The following EDIL3 variants were observed in gnomAD, a reference collection of about 807,000 sequenced individuals.
EDIL3 encodes EGF like and discoidin domains 3.
Under a neutral mutation model 67.4 loss-of-function variants are expected in EDIL3, and 37 were observed. That is an observed-to-expected ratio of 0.55 (90% CI 0.42 to 0.72). EDIL3 has a LOEUF of 0.72. Ranked by LOEUF, EDIL3 falls within the 30% of genes least tolerant of loss-of-function variation. The probability of loss-of-function intolerance (pLI) is 0.00; values close to 1 mark genes in which losing one functional copy is unlikely to be tolerated. For synonymous variants in EDIL3, 195 were observed against 196.3 expected (o/e 0.99, Z 0.05); for missense variants, 527 against 586.3 (o/e 0.90, Z 1.04).
intron 9 of EDIL3, among the ~76,000 whole-genome samples, chr5:84,059,177 G>T (rs1343592524): frequency 6.6e-6 from 1 of 152,110 alleles, no homozygotes; most frequent in East Asian, 1.9e-4. Context: ...GAGGCAGGAG[G>T]ATTGGTGGAG....
At chr5:84,031,364 C>T (rs1161799748) in intron 9 of EDIL3, among the ~76,000 whole-genome samples, 1 of 152,042 alleles carries the variant, frequency 6.6e-6, no homozygotes, top group African/African-American at 2.4e-5. Flanking sequence ...AGAAATTTTG[C>T]TAAATTCAAA....
chr5:84,025,006 T>C (rs1745786695), intron 9 of EDIL3, among the ~76,000 whole-genome samples: 1 of 152,066 alleles, frequency 6.6e-6, no homozygotes, highest in Non-Finnish European at 1.5e-5. Flanking sequence ...GAACTCCAAC[T>C]TTTAGCAAGG....
chr5:84,372,643 T>TA (rs949359061), intron 1 of EDIL3, among the ~76,000 whole-genome samples: 2 of 152,154 alleles, frequency 1.3e-5, no homozygotes, highest in Non-Finnish European at 2.9e-5. Flanking sequence ...CTTTTCTCTG[T>TA]AAGTGTGCTA....
chr5:84,010,074 G>A (rs145807939), intron 9 of EDIL3, among the ~76,000 whole-genome samples: 13 of 152,294 alleles, frequency 8.5e-5, no homozygotes, highest in Admixed American at 3.3e-4. Flanking sequence ...GCACAGTGTG[G>A]CAGATGCCAA....
chr5:84,012,859 T>G (rs1580278994), intron 9 of EDIL3, among the ~76,000 whole-genome samples: 1 of 152,092 alleles, frequency 6.6e-6, no homozygotes, highest in East Asian at 1.9e-4. Flanking sequence ...GAAGCCAAAC[T>G]TATTACTCTA....
chr5:84,296,271 G>A (rs1746049521), intron 1 of EDIL3, among the ~76,000 whole-genome samples: 1 of 152,150 alleles, frequency 6.6e-6, no homozygotes, highest in African/African-American at 2.4e-5. Context: ...AGGCAGAGAA[G>A]TTCAACTTGC....
intron 9 of EDIL3, among the ~76,000 whole-genome samples, chr5:83,982,997 G>C (rs544247497): frequency 3.0e-4 from 45 of 152,266 alleles, no homozygotes; most frequent in South Asian, 2.7e-3. Context: ...CAGCAGCCCG[G>C]AGGAAAGAGA....
intron 3 of EDIL3, among the ~76,000 whole-genome samples, chr5:84,219,053 C>G (rs1744288043): frequency 6.6e-6 from 1 of 152,172 alleles, no homozygotes; most frequent in African/African-American, 2.4e-5. Context: ...TGAGTGAGAT[C>G]CAGTGCTGTG....
intron 4 of EDIL3, among the ~76,000 whole-genome samples, chr5:84,139,482 A>G (rs1342270403): frequency 6.6e-6 from 1 of 152,046 alleles, no homozygotes; most frequent in African/African-American, 2.4e-5. Flanking sequence ...TAACACACAA[A>G]CCATTTTCAT....
At chr5:84,376,557 T>G (rs1465133984) in intron 1 of EDIL3, among the ~76,000 whole-genome samples, 2 of 152,236 alleles carry the variant, frequency 1.3e-5, no homozygotes, top group African/African-American at 2.4e-5. Flanking sequence ...GCAGGAGTGT[T>G]GAGAAATATT....
intron 9 of EDIL3, among the ~76,000 whole-genome samples, chr5:84,052,962 T>C (rs1172682975): frequency 6.6e-6 from 1 of 152,192 alleles, no homozygotes; most frequent in African/African-American, 2.4e-5. Flanking sequence ...GTGGACCTAA[T>C]AGATATCTAC....
intron 6 of EDIL3, among the ~76,000 whole-genome samples, chr5:84,096,613 T>C (rs376109594): frequency 2.6e-5 from 4 of 152,244 alleles, no homozygotes; most frequent in African/African-American, 9.6e-5. Flanking sequence ...AGGGACTTGG[T>C]TTTTTTCAGA....
rs143493033 is a variant in EDIL3, at chr5:84,357,689, A to C, written c.67+26619T>G. Among the ~76,000 whole-genome samples, 201 of 152,054 alleles carry C rather than the reference A, an allele frequency of 1.3e-3. 5 individuals are homozygous for C. The East Asian group carries it at 0.032, about 24-fold the overall frequency. ...GGATCACTTGAGGTCAGGACTTCGAAACCAGCCTGGATGGCATGGTGAAAC... is the reference window on the plus strand; with the variant it reads ...GGATCACTTGAGGTCAGGACTTCGACACCAGCCTGGATGGCATGGTGAAAC... On this transcript the variant is annotated intron_variant, in intron 1 of 10. Coordinates refer to ENST00000296591, the MANE Select transcript of EDIL3 (RefSeq NM_005711.5).
intron 1 of EDIL3, among the ~76,000 whole-genome samples, chr5:84,349,766 T>C (rs1747316911): frequency 1.3e-5 from 2 of 152,156 alleles, no homozygotes; most frequent in Admixed American, 6.6e-5. Flanking sequence ...TTTCATAGTA[T>C]AGGTATACCT....
intron 1 of EDIL3, among the ~76,000 whole-genome samples, chr5:84,264,555 G>A (rs1745307977): frequency 1.3e-5 from 2 of 152,112 alleles, no homozygotes; most frequent in African/African-American, 4.8e-5. Context: ...GGTGTGATGA[G>A]GGTCGACAGC....
rs918653879 is a variant in EDIL3, at chr5:84,368,406, G to A, written c.67+15902C>T. Among the ~76,000 whole-genome samples the A allele has an allele frequency of 2.6e-5, 4 of 152,146 alleles. No homozygotes were observed. In the East Asian group the frequency reaches 7.7e-4, roughly 29 times the overall value. ...AAGGACAGGTTCTTCAACAAATGTT[G>A]CTGGTAGAACTGAATATCCATATAT... On this transcript the variant is annotated intron_variant, in intron 1 of 10. Coordinates refer to ENST00000296591, the MANE Select transcript of EDIL3 (RefSeq NM_005711.5).
At chr5:84,319,612 A>T (rs956994895) in intron 1 of EDIL3, among the ~76,000 whole-genome samples, 5 of 150,138 alleles carry the variant, frequency 3.3e-5, no homozygotes, top group Non-Finnish European at 7.4e-5. Context: ...AATGATCTAG[A>T]ACTAGAAATA....
intron 6 of EDIL3, among the ~76,000 whole-genome samples, chr5:84,098,584 G>C (rs921710017): frequency 6.6e-6 from 1 of 151,972 alleles, no homozygotes; most frequent in African/African-American, 2.4e-5. Flanking sequence ...AGTAATTACT[G>C]AATAACAATG....
intron 1 of EDIL3, among the ~76,000 whole-genome samples, chr5:84,354,985 ATCTTT>A (rs1285214539): frequency 1.3e-5 from 2 of 152,106 alleles, no homozygotes; most frequent in Non-Finnish European, 2.9e-5. Context: ...CTCGAGGAGT[ATCTTT>A]GTGGTGTTCT....
Sources: gnomAD v4.1 joint callset for allele counts (sites outside exome capture counted in the v4.1 genomes callset) on GRCh38, gnomAD v4.1.1 for gene constraint, MANE v1.5 for transcripts, NCBI Gene and HGNC (gene_info 2026-07-23, HGNC 2026-07-21) for gene names.